The following PCCA variants were observed in gnomAD, a reference collection of about 807,000 sequenced individuals.
The protein encoded by PCCA is propionyl-CoA carboxylase alpha chain, mitochondrial.
A neutral mutation model predicts 101.3 loss-of-function variants in PCCA; 74 were observed. The ratio of observed to expected loss-of-function variants is 0.73; its 90% CI spans 0.61 to 0.89. The LOEUF (loss-of-function observed/expected upper bound fraction) is 0.89. Ranked by LOEUF, PCCA falls within the 40% of genes least tolerant of loss-of-function variation. The pLI, the probability that PCCA is intolerant of heterozygous loss-of-function variation, is 0.00. For synonymous variants in PCCA, 294 were observed against 313.6 expected (o/e 0.94, Z 0.66); for missense variants, 891 against 907.0 (o/e 0.98, Z 0.23).
At chr13:100,297,771 G>A (rs893366383) in intron 12 of PCCA, among the ~76,000 whole-genome samples, 4 of 152,128 alleles carry the variant, frequency 2.6e-5, no homozygotes, top group Non-Finnish European at 4.4e-5. Context: ...TATAAGGCAC[G>A]ATTATGTCCT....
intron 6 of PCCA, among the ~76,000 whole-genome samples, chr13:100,205,838 A>G (rs2058819595): frequency 6.6e-6 from 1 of 152,142 alleles, no homozygotes; most frequent in African/African-American, 2.4e-5. Flanking sequence ...AAGACAATTG[A>G]TGGTTGAAGC....
Position 100,305,207 on chromosome 13 carries a change from G to A in PCCA, c.1285-1985G>A, listed in dbSNP as rs113701505. Among the ~76,000 whole-genome samples, 584 of 152,158 alleles carry A rather than the reference G, an allele frequency of 3.8e-3. 4 individuals are homozygous for A. The highest frequency in any genetic ancestry group is 0.013 in the African/African-American group (542 of 41,496). ...TACTGATTTGCTTATACAAAGATAC[G>A]TGTTTATATATATCTTGATTTTATC... On this transcript the variant is annotated intron_variant, in intron 14 of 23. Coordinates refer to ENST00000376285, the MANE Select transcript of PCCA (RefSeq NM_000282.4).
chr13:100,195,899 C>T (rs1776620711), intron 6 of PCCA, among the ~76,000 whole-genome samples: 2 of 152,028 alleles, frequency 1.3e-5, no homozygotes, highest in African/African-American at 4.8e-5. Flanking sequence ...TGAGGCTTAC[C>T]CACCCAGGCT....
At chr13:100,416,821 G>A (rs2078401485) in intron 19 of PCCA, among the ~76,000 whole-genome samples, 1 of 151,548 alleles carries the variant, frequency 6.6e-6, no homozygotes, top group Admixed American at 6.6e-5. Flanking sequence ...CACCGCGCCC[G>A]ACCAGTATTA....
chr13:100,492,083 G>A (rs769369576), intron 21 of PCCA, among the ~76,000 whole-genome samples: 48 of 152,206 alleles, frequency 3.2e-4, no homozygotes, highest in Non-Finnish European at 4.1e-4. Flanking sequence ...AGAAGAAGCC[G>A]CAGTCCCTGC....
At chr13:100,452,397 G>T (rs1003611748) in intron 21 of PCCA, among the ~76,000 whole-genome samples, 1 of 152,028 alleles carries the variant, frequency 6.6e-6, no homozygotes, top group Non-Finnish European at 1.5e-5. Context: ...GCAGGAAAAG[G>T]AGTCCTTTGA....
chr13:100,169,757 T>C (rs1385132119), intron 6 of PCCA, among the ~76,000 whole-genome samples: 2 of 149,516 alleles, frequency 1.3e-5, no homozygotes, highest in Non-Finnish European at 3.0e-5. Context: ...TGGAGTGCAA[T>C]GGTGCGATCT....
chr13:100,406,201 C>T (rs1472472205), intron 19 of PCCA, among the ~76,000 whole-genome samples: 1 of 152,132 alleles, frequency 6.6e-6, no homozygotes, highest in Non-Finnish European at 1.5e-5. Context: ...CAGTGAAAGC[C>T]TTGGTAAAAT....
intron 12 of PCCA, among the ~76,000 whole-genome samples, chr13:100,298,664 CTCCCTCCCTCCTTCCT>C (rs1566891045): frequency 0.038 from 405 of 10,784 alleles, 74 homozygotes; most frequent in South Asian, 0.077. Flanking sequence ...CCCTCCCTCC[CTCCCTCCCTCCTTCCT>C]TCCTTCCTTC....
intron 6 of PCCA, among the ~76,000 whole-genome samples, chr13:100,199,354 T>G (rs2058328957): frequency 1.3e-5 from 2 of 152,176 alleles, no homozygotes; most frequent in African/African-American, 4.8e-5. Context: ...ATTTAAGTCT[T>G]GTCCATTTAT....
intron 19 of PCCA, among the ~76,000 whole-genome samples, chr13:100,389,304 G>A (rs560585989): frequency 1.3e-5 from 2 of 152,274 alleles, no homozygotes; most frequent in African/African-American, 4.8e-5. Context: ...ATAAAAAGTA[G>A]ATACAGCTAT....
intron 6 of PCCA, among the ~76,000 whole-genome samples, chr13:100,176,666 G>T (rs538122552): frequency 2.0e-5 from 3 of 152,268 alleles, no homozygotes; most frequent in African/African-American, 7.2e-5. Context: ...ACTCAAGTCC[G>T]ATTTTTATTA....
chr13:100,361,844 A>G (rs1488691369), intron 18 of PCCA, among the ~76,000 whole-genome samples: 1 of 152,222 alleles, frequency 6.6e-6, no homozygotes, highest in Non-Finnish European at 1.5e-5. Context: ...CTCATATAAA[A>G]TTAAACCTAC....
chr13:100,128,181 C>A (rs1421295248), intron 4 of PCCA, among the ~76,000 whole-genome samples: 1 of 152,148 alleles, frequency 6.6e-6, no homozygotes, highest in Non-Finnish European at 1.5e-5. Flanking sequence ...GATCACTGGG[C>A]TAGTAAGTAG....
At chr13:100,182,114 T>C (rs985689629) in intron 6 of PCCA, among the ~76,000 whole-genome samples, 5 of 147,446 alleles carry the variant, frequency 3.4e-5, no homozygotes, top group African/African-American at 1.3e-4. Flanking sequence ...TTTTTTTTTT[T>C]TGAGATGGAG....
chr13:100,502,874 AAAG>A (rs2085783489), intron 21 of PCCA, among the ~76,000 whole-genome samples: 1 of 152,232 alleles, frequency 6.6e-6, no homozygotes, highest in African/African-American at 2.4e-5. Context: ...AAAGTTGAGA[AAAG>A]AAGAGGGAGG....
chr13:100,308,475 C>G (rs1221909679), intron 15 of PCCA, among the ~76,000 whole-genome samples: 1 of 152,018 alleles, frequency 6.6e-6, no homozygotes, highest in Non-Finnish European at 1.5e-5. Flanking sequence ...CAGGTGTGTA[C>G]TACCATGCAG....
At chr13:100,248,917 T>C (rs1398614006) in intron 8 of PCCA, among the ~76,000 whole-genome samples, 1 of 152,054 alleles carries the variant, frequency 6.6e-6, no homozygotes, top group Non-Finnish European at 1.5e-5. Flanking sequence ...TGGCTAATTT[T>C]TTTTTTTTGT....
chr13:100,276,202 C>T (rs2152605626), intron 12 of PCCA, among the ~76,000 whole-genome samples: 1 of 106,082 alleles, frequency 9.4e-6, no homozygotes, highest in African/African-American at 4.2e-5. Context: ...ATAGTGAGAA[C>T]TTGTCTGTAC....
Sources: gnomAD v4.1 joint callset for allele counts (sites outside exome capture counted in the v4.1 genomes callset) on GRCh38, gnomAD v4.1.1 for gene constraint, MANE v1.5 for transcripts, NCBI Gene and HGNC (gene_info 2026-07-23, HGNC 2026-07-21) for gene names.